Variants in WDR64 observed in about 807,000 individuals in gnomAD.
The protein encoded by WDR64 is WD repeat-containing protein 64.
A neutral mutation model predicts 139.3 loss-of-function variants in WDR64; 112 were observed. The observed-to-expected ratio is 0.80, with a 90% confidence interval of 0.69 to 0.94. The LOEUF (loss-of-function observed/expected upper bound fraction) is 0.94, where lower values mean the gene tolerates loss of function less well. Ranked by LOEUF, WDR64 falls within the 40% of genes least tolerant of loss-of-function variation. The pLI is 0.00. For missense variants in WDR64, 1,206 were observed against 1,293.1 expected (o/e 0.93, Z 1.03); for synonymous variants, 444 against 437.7 (o/e 1.01, Z -0.18).
rs944761305 is a variant in WDR64 at position 241,730,625 on chromosome 1, T to G, written c.1194+7189T>G. 2.0e-5 allele frequency among the ~76,000 whole-genome samples: 3 copies of G among 152,308 alleles called. No individual in the cohort carries two copies. In the East Asian group the frequency reaches 5.8e-4, roughly 29 times the overall value. On this transcript the variant is annotated intron_variant, in intron 10 of 27. Transcript: ENST00000437684. ...CAAAATGTGGTTCCCTTGCATTGTT[T>G]CTTGGCTGGTAAACTGTGTCTCAGG...
At chr1:241,733,059 T>C (rs1669153947) in intron 10 of WDR64, among the ~76,000 whole-genome samples, 1 of 152,218 alleles carries the variant, frequency 6.6e-6, no homozygotes, top group Non-Finnish European at 1.5e-5. Flanking sequence ...TTTTCTTTGA[T>C]ATTTTGTGAT....
At chr1:241,778,975 T>C (rs371663439) in intron 21 of WDR64, among the ~76,000 whole-genome samples, 2 of 152,174 alleles carry the variant, frequency 1.3e-5, no homozygotes, top group South Asian at 4.1e-4. Flanking sequence ...AGTTTCCTTA[T>C]GTAGATATGA....
intron 20 of WDR64, among the ~76,000 whole-genome samples, chr1:241,773,901 T>C (rs75662699): frequency 6.6e-6 from 1 of 152,156 alleles, no homozygotes; most frequent in Non-Finnish European, 1.5e-5. Flanking sequence ...TGTATTAGAG[T>C]AAAAGAATGT....
chr1:241,775,134 C>T lies in WDR64; in HGVS notation c.2460C>T (p.Phe820=), dbSNP rs1658611645. 1.3e-6 allele frequency: 2 copies of T among 1,551,110 alleles called. No homozygotes were observed. The highest frequency in any genetic ancestry group is 1.7e-6 in the Non-Finnish European group (2 of 1,146,858). Residue 820 remains phenylalanine, a synonymous_variant, in exon 21 of 28, where the codon TTC becomes TTT. Transcript: ENST00000437684. ...EGRLLKDMLP[F]TKHSAISLTS... is the part of the protein sequence containing the mutation. ...GACTACTGAAAGATATGCTACCTTT[C>T]ACAAAACATTCTGCCATTTCTCTGA...
chr1:241,766,569 C>T (rs1254398782), intron 16 of WDR64, among the ~76,000 whole-genome samples: 2 of 152,110 alleles, frequency 1.3e-5, no homozygotes, highest in African/African-American at 2.4e-5. Flanking sequence ...GGCGCAGTGG[C>T]GCCTGCCTGT....
chr1:241,777,000 C>T (rs1391846874), intron 21 of WDR64, among the ~76,000 whole-genome samples: 1 of 152,144 alleles, frequency 6.6e-6, no homozygotes, highest in Non-Finnish European at 1.5e-5. Flanking sequence ...TTTTCTCTGC[C>T]TCAGTAGATG....
chr1:241,657,741 A>C (rs1414659871), intron 1 of WDR64, among the ~76,000 whole-genome samples: 2 of 152,158 alleles, frequency 1.3e-5, no homozygotes, highest in African/African-American at 4.8e-5. Flanking sequence ...TGCTTATTCT[A>C]CAACAACTTG....
At chr1:241,766,102 A>G in intron 15 of WDR64, 116 bp from the exon 16 acceptor site, 2 of 946,124 alleles carry the variant, frequency 2.1e-6, no homozygotes, top group Non-Finnish European at 1.5e-6. Flanking sequence ...TATTAAAAAT[A>G]TATATAATAA....
chr1:241,718,633 C>G (rs563591623), intron 9 of WDR64, among the ~76,000 whole-genome samples: 1 of 152,240 alleles, frequency 6.6e-6, no homozygotes, highest in South Asian at 2.1e-4. Flanking sequence ...TTAACCACAA[C>G]CCCTCCAATA....
chr1:241,738,170 T>A (rs1486910630), intron 10 of WDR64, among the ~76,000 whole-genome samples, 193 bp from the exon 11 acceptor site: 1 of 152,168 alleles, frequency 6.6e-6, no homozygotes, highest in Non-Finnish European at 1.5e-5. Context: ...TGCTGCTATT[T>A]TCCTCTGATA....
intron 12 of WDR64, among the ~76,000 whole-genome samples, chr1:241,742,817 C>A (rs372115110): frequency 6.6e-6 from 1 of 152,204 alleles, no homozygotes; most frequent in Non-Finnish European, 1.5e-5. Flanking sequence ...CATAACACGG[C>A]CATCACAGCA....
chr1:241,711,932 T>C (rs558202366), intron 9 of WDR64, 51 bp downstream of exon 9: 2 of 1,568,536 alleles, frequency 1.3e-6, no homozygotes, highest in Non-Finnish European at 1.8e-6. Flanking sequence ...GCAAACATCG[T>C]TCTCTTCGAG....
rs911402911 is a variant in WDR64 at position 241,703,912 on chromosome 1, T to G, written c.975-7890T>G. Among the ~76,000 whole-genome samples the G allele has an allele frequency of 1.3e-5, 2 of 152,096 alleles. No individual in the cohort carries two copies. The highest frequency in any genetic ancestry group is 4.8e-5 in the African/African-American group (2 of 41,414). On this transcript the variant is annotated intron_variant, in intron 8 of 27. Coordinates refer to ENST00000437684, the MANE Select transcript of WDR64 (RefSeq NM_001367482.1). This position sits in a 1 kb window ranked among gnomAD's most constrained non-coding sequence, Gnocchi z 5.9. ...CAAACACTTATAAAATCATCAGATCTCATGAGAACTCACTCACTAACACAA... is the reference window on the plus strand; with the variant it reads ...CAAACACTTATAAAATCATCAGATCGCATGAGAACTCACTCACTAACACAA...
intron 10 of WDR64, among the ~76,000 whole-genome samples, chr1:241,726,402 T>A (rs1668841535): frequency 1.4e-5 from 2 of 145,920 alleles, no homozygotes; most frequent in Non-Finnish European, 3.0e-5. Flanking sequence ...AGACACCATC[T>A]TTAAAAAAAG....
chr1:241,731,432 T>A (rs139817928), intron 10 of WDR64, among the ~76,000 whole-genome samples: 104 of 152,200 alleles, frequency 6.8e-4, no homozygotes, highest in African/African-American at 2.5e-3. Context: ...CATTTAACGT[T>A]CATAACGACC....
At chr1:241,666,975 T>C (rs1666047103) in intron 2 of WDR64, among the ~76,000 whole-genome samples, 2 of 152,232 alleles carry the variant, frequency 1.3e-5, no homozygotes, top group African/African-American at 2.4e-5. Context: ...AATACTTCCT[T>C]GCATAGGACA....
chr1:241,765,170 G>A (rs1658099038), intron 15 of WDR64, among the ~76,000 whole-genome samples: 1 of 141,826 alleles, frequency 7.1e-6, no homozygotes, highest in Non-Finnish European at 1.5e-5. Context: ...CTGGGCAACA[G>A]AGGGAGATCT....
intron 23 of WDR64, among the ~76,000 whole-genome samples, chr1:241,784,953 G>GGATTAAAAAAAAAA (rs766802128): frequency 1.6e-5 from 1 of 62,250 alleles, no homozygotes; most frequent in Non-Finnish European, 3.1e-5. Flanking sequence ...GACTCTGTCT[G>GGATTAAAAAAAAAA]AAAAAAAAAA....
intron 8 of WDR64, among the ~76,000 whole-genome samples, chr1:241,707,466 A>G (rs1667995410): frequency 1.3e-5 from 2 of 152,188 alleles, no homozygotes; most frequent in Non-Finnish European, 2.9e-5. Context: ...AACTTTTCAA[A>G]CATATTACAA....
Sources: gnomAD v4.1 joint callset for allele counts (sites outside exome capture counted in the v4.1 genomes callset) on GRCh38, gnomAD v4.1.1 for gene constraint, Gnocchi (gnomAD v3.1) non-coding constraint, MANE v1.5 for transcripts, NCBI Gene and HGNC (gene_info 2026-07-23, HGNC 2026-07-21) for gene names.